RALY: variants seen among roughly 807,000 people sequenced by gnomAD.
The protein encoded by RALY is RALY heterogeneous nuclear ribonucleoprotein.
In RALY, 15 loss-of-function variants were observed where a neutral mutation model predicts 30.7. The observed-to-expected ratio is 0.49, with a 90% confidence interval of 0.33 to 0.75. The LOEUF is 0.75. RALY is among the 30% of genes least tolerant of loss of function. The pLI is 0.02. For synonymous variants in RALY, 177 were observed against 170.8 expected (o/e 1.04, Z -0.28); for missense variants, 339 against 414.3 (o/e 0.82, Z 1.58).
chr20:34,070,469 G>C (rs1214907344), intron 2 of RALY, among the ~76,000 whole-genome samples: 3 of 152,124 alleles, frequency 2.0e-5, no homozygotes, highest in Non-Finnish European at 4.4e-5. Context: ...GCAAAGGGTA[G>C]GTGCAGTCTC....
intron 2 of RALY, among the ~76,000 whole-genome samples, chr20:34,057,935 C>A (rs1051686093): frequency 1.3e-5 from 2 of 152,114 alleles, no homozygotes; most frequent in African/African-American, 4.8e-5. Context: ...AGTGGCTGAT[C>A]CTGGATTTAA....
chr20:34,073,641 G>GCTGTCTGA lies in RALY; in HGVS notation c.329+14_329+21dup, dbSNP rs2033793223. 6.3e-7 allele frequency: 1 copy of GCTGTCTGA among 1,586,026 alleles called. No homozygotes were observed. Among genetic ancestry groups the GCTGTCTGA allele is most frequent in the South Asian group, 1.1e-5 (1 of 90,496 alleles). ...GCAGCATCTGCCATATACAGGTGGG[G>GCTGTCTGA]CTGTCTGACTGTCTGTCTGTCTGGT... On this transcript the variant is annotated splice_region_variant and intron_variant, in intron 4 of 9. Coordinates refer to ENST00000246194, the MANE Select transcript of RALY (RefSeq NM_016732.3).
At chr20:34,065,374 A>G (rs550194567) in intron 2 of RALY, among the ~76,000 whole-genome samples, 14 of 152,370 alleles carry the variant, frequency 9.2e-5, no homozygotes, top group African/African-American at 1.4e-4. Context: ...TGCAGGTCAC[A>G]TGACTAAGAA....
At position 34,081,435 on chromosome 20, in the gene RALY, C is replaced by CCT. The variant is rs1366498340; in HGVS notation, c.*1533_*1534dup. Reference sequence around the variant, plus strand: ...ACTGCTCTTTAATTGCCTGTTCTCTCCTCTGGAAGCCTTCCCCCAACACAG... The same window carrying CCT: ...ACTGCTCTTTAATTGCCTGTTCTCTCCTCTCTGGAAGCCTTCCCCCAACACAG... On this transcript the variant is annotated 3_prime_UTR_variant, in exon 10 of 10. Coordinates refer to ENST00000246194, the MANE Select transcript of RALY (RefSeq NM_016732.3). 62 of 152,262 alleles carry CCT rather than the reference C, an allele frequency of 4.1e-4. No individual in the cohort carries two copies. Among genetic ancestry groups the CCT allele is most frequent in the Non-Finnish European group, 4.4e-5 (3 of 68,096 alleles). The allele number at this position is 152,262 out of a possible 1,614,324, so 9.4% of individuals were successfully genotyped here.
Position 34,002,223 on chromosome 20 carries a change from C to CT in RALY, c.-93+8095dup, listed in dbSNP as rs558954012. ...AGCACAAGAATAACTTCTCTTCAGA[C>CT]TTTAAAGATTCACCCTAATTGATTC... On this transcript the variant is annotated intron_variant, in intron 1 of 9. Coordinates refer to ENST00000246194, the MANE Select transcript of RALY (RefSeq NM_016732.3). Among the ~76,000 whole-genome samples the CT allele has an allele frequency of 6.6e-5, 10 of 152,284 alleles. No homozygotes were observed. The South Asian group carries it at 2.1e-3, about 32-fold the overall frequency.
intron 2 of RALY, among the ~76,000 whole-genome samples, chr20:34,049,888 G>A (rs1474405891): frequency 6.6e-6 from 1 of 152,132 alleles, no homozygotes; most frequent in African/African-American, 2.4e-5. Context: ...CTACTTAGTG[G>A]CAAATTATCC....
intron 1 of RALY, among the ~76,000 whole-genome samples, chr20:34,029,474 A>C (rs1601437463): frequency 1.5e-5 from 1 of 64,750 alleles, no homozygotes; most frequent in African/African-American, 1.0e-4. Context: ...GGAGGGAGGG[A>C]GGAAAGGGAG....
intron 1 of RALY, among the ~76,000 whole-genome samples, chr20:34,018,275 A>G (rs1190982662): frequency 1.3e-5 from 2 of 152,226 alleles, no homozygotes; most frequent in African/African-American, 4.8e-5. Flanking sequence ...GCAAGTACCA[A>G]CTGAAACTTA....
At chr20:34,040,895 T>C (rs1041134297) in intron 2 of RALY, among the ~76,000 whole-genome samples, 9 of 152,194 alleles carry the variant, frequency 5.9e-5, no homozygotes, top group African/African-American at 2.2e-4. Context: ...CTCCCTGTCC[T>C]CTGGCCACGG....
intron 1 of RALY, among the ~76,000 whole-genome samples, chr20:34,015,894 A>G (rs1023212035): frequency 2.0e-5 from 3 of 152,050 alleles, no homozygotes; most frequent in African/African-American, 2.4e-5. Context: ...CCTCTCTTCT[A>G]TACACAAAGT....
chr20:34,044,553 T>G (rs1247890373), intron 2 of RALY, among the ~76,000 whole-genome samples: 2 of 152,136 alleles, frequency 1.3e-5, no homozygotes, highest in Non-Finnish European at 2.9e-5. Context: ...CTCCTCACTT[T>G]AGGTGATCGG....
intron 2 of RALY, among the ~76,000 whole-genome samples, chr20:34,057,246 T>C (rs6059651): frequency 0.74 from 112,997 of 152,182 alleles, 42,421 homozygotes; most frequent in South Asian, 0.85. Flanking sequence ...AGGAAATACA[T>C]GAACATGCTA....
At chr20:34,020,931 G>T (rs1469010046) in intron 1 of RALY, among the ~76,000 whole-genome samples, 1 of 151,922 alleles carries the variant, frequency 6.6e-6, no homozygotes, top group Admixed American at 6.6e-5. Flanking sequence ...CAAATTTGCT[G>T]AAAGTCATTG....
Position 34,031,531 on chromosome 20 carries a change from A to G in RALY, c.-83A>G, listed in dbSNP as rs2032278357. 6.6e-6 allele frequency: 1 copy of G among 152,154 alleles called. No homozygotes were observed. The highest frequency in any genetic ancestry group is 2.4e-5 in the African/African-American group (1 of 41,426). 9.4% of individuals were successfully genotyped at this position (152,154 alleles called of 1,614,324 possible). A position where few individuals can be genotyped will look rare whatever the true frequency, so the allele number is the denominator to read the frequency against. On this transcript the variant is annotated 5_prime_UTR_variant, in exon 2 of 10. Coordinates refer to ENST00000246194, the MANE Select transcript of RALY (RefSeq NM_016732.3). The stretch of plus-strand genomic sequence containing the variant: ...TCTCTCTCTATTGTAGGTGAGCCCT[A>G]TTCCCAGAGGCAGGTGGTGCTGACC...
chr20:34,073,732 TG>T, intron 4 of RALY, 86 bp from the exon 5 acceptor site: 2 of 1,548,714 alleles, frequency 1.3e-6, no homozygotes, highest in Non-Finnish European at 1.8e-6. Flanking sequence ...ATCTAGAACT[TG>T]GGGAGGTGTC....
chr20:34,012,343 C>T (rs1334623587), intron 1 of RALY, among the ~76,000 whole-genome samples: 1 of 152,128 alleles, frequency 6.6e-6, no homozygotes, highest in Non-Finnish European at 1.5e-5. Flanking sequence ...ATCAGATTGA[C>T]CTTATTTTAT....
chr20:34,005,559 A>G (rs529038757), intron 1 of RALY, among the ~76,000 whole-genome samples: 90 of 152,192 alleles, frequency 5.9e-4, no homozygotes, highest in African/African-American at 2.0e-3. Context: ...AGCCTTGCAT[A>G]TTAGTGATAT....
intron 8 of RALY, 112 bp downstream of exon 8, chr20:34,077,357 C>T (rs1052679617): frequency 1.3e-6 from 2 of 1,550,308 alleles, no homozygotes; most frequent in African/African-American, 1.4e-5. Context: ...ACTTCCTGTT[C>T]TCTCCTTCCC....
chr20:34,056,922 G>T (rs2033262729), intron 2 of RALY, among the ~76,000 whole-genome samples: 1 of 152,192 alleles, frequency 6.6e-6, no homozygotes, highest in African/African-American at 2.4e-5. Context: ...CCACTTCTGG[G>T]AGTCTGTCCT....
Sources: gnomAD v4.1 joint callset for allele counts (sites outside exome capture counted in the v4.1 genomes callset) on GRCh38, gnomAD v4.1.1 for gene constraint, MANE v1.5 for transcripts, NCBI Gene and HGNC (gene_info 2026-07-23, HGNC 2026-07-21) for gene names.